The following PCDH9 variants were observed in gnomAD, a reference collection of about 807,000 sequenced individuals.
PCDH9 encodes protocadherin 9.
In PCDH9, 24 loss-of-function variants were observed where a neutral mutation model predicts 70.6. The ratio of observed to expected loss-of-function variants is 0.34; its 90% CI spans 0.25 to 0.48. The LOEUF (loss-of-function observed/expected upper bound fraction) is 0.48. PCDH9 is among the 20% of genes least tolerant of loss of function. The probability of loss-of-function intolerance (pLI) is 0.99; values close to 1 mark genes in which losing one functional copy is unlikely to be tolerated. For missense variants in PCDH9, 1,281 were observed against 1,503.6 expected (o/e 0.85, Z 2.45); for synonymous variants, 562 against 558.5 (o/e 1.01, Z -0.09).
intron 2 of PCDH9, among the ~76,000 whole-genome samples, chr13:67,004,917 T>C (rs957370719): frequency 6.6e-6 from 1 of 152,198 alleles, no homozygotes; most frequent in Admixed American, 6.5e-5. Context: ...AATCTTTAAA[T>C]TTTTCTCTAA....
chr13:66,887,055 ACACACACACAC>A, intron 3 of PCDH9, among the ~76,000 whole-genome samples: 1 of 151,298 alleles, frequency 6.6e-6, no homozygotes, highest in East Asian at 1.9e-4. Flanking sequence ...ACACACACAC[ACACACACACAC>A]ACACACACAC....
At chr13:67,159,175 G>A (rs755333757) in intron 2 of PCDH9, among the ~76,000 whole-genome samples, 1 of 152,160 alleles carries the variant, frequency 6.6e-6, no homozygotes, top group Non-Finnish European at 1.5e-5. Flanking sequence ...ATTTGAGTGG[G>A]AGGAACTCTA....
At chr13:66,774,166 G>C (rs899341684) in intron 3 of PCDH9, among the ~76,000 whole-genome samples, 2 of 152,136 alleles carry the variant, frequency 1.3e-5, no homozygotes, top group Non-Finnish European at 1.5e-5. Context: ...TCAACTTGCA[G>C]AATACAACCC....
At chr13:67,223,161 C>T (rs890568884) in intron 2 of PCDH9, 2 of 152,112 alleles carry the variant, frequency 1.3e-5, no homozygotes, top group Admixed American at 6.6e-5. Context: ...CTAAAACGCA[C>T]TTTAGTTCCA....
intron 3 of PCDH9, among the ~76,000 whole-genome samples, chr13:66,747,892 C>T (rs1378412672): frequency 6.6e-6 from 1 of 152,070 alleles, no homozygotes; most frequent in Non-Finnish European, 1.5e-5. Flanking sequence ...CACTGTCAGA[C>T]CTTGTTCGTT....
chr13:66,872,040 T>C (rs2081701432), intron 3 of PCDH9, among the ~76,000 whole-genome samples: 2 of 152,228 alleles, frequency 1.3e-5, no homozygotes, highest in South Asian at 4.1e-4. Context: ...ACATGTCGTC[T>C]ACTACTAGAC....
chr13:66,957,214 T>C (rs1022527725), intron 2 of PCDH9, among the ~76,000 whole-genome samples: 6 of 152,140 alleles, frequency 3.9e-5, no homozygotes, highest in African/African-American at 1.2e-4. Flanking sequence ...GAAACTAAAA[T>C]CCCAACATCT....
chr13:67,119,497 T>G (rs1339089006), intron 2 of PCDH9, among the ~76,000 whole-genome samples: 1 of 152,054 alleles, frequency 6.6e-6, no homozygotes, highest in Non-Finnish European at 1.5e-5. Context: ...ATAAGGTAAA[T>G]AAATGTAAAA....
chr13:66,625,061 T>C (rs1297052012), intron 4 of PCDH9, among the ~76,000 whole-genome samples: 2 of 152,218 alleles, frequency 1.3e-5, no homozygotes, highest in Non-Finnish European at 1.5e-5. Flanking sequence ...ATTATTTTGA[T>C]AGAGTAATAT....
chr13:67,119,711 G>T (rs1031307983), intron 2 of PCDH9, among the ~76,000 whole-genome samples: 6 of 152,142 alleles, frequency 3.9e-5, no homozygotes, highest in Non-Finnish European at 8.8e-5. Flanking sequence ...TCTACCCTGA[G>T]AAATGGAACT....
At chr13:66,771,830 G>A (rs761387474) in intron 3 of PCDH9, among the ~76,000 whole-genome samples, 3 of 152,106 alleles carry the variant, frequency 2.0e-5, no homozygotes, top group Non-Finnish European at 4.4e-5. Flanking sequence ...TATTAAATGA[G>A]AAAAAGTTGC....
chr13:66,769,438 G>A (rs2079769317), intron 3 of PCDH9, among the ~76,000 whole-genome samples: 2 of 151,488 alleles, frequency 1.3e-5, no homozygotes, highest in Non-Finnish European at 2.9e-5. Flanking sequence ...TAATATTTGG[G>A]AAAGCGATAT....
chr13:66,383,575 A>T (rs559038906), intron 4 of PCDH9, among the ~76,000 whole-genome samples: 2 of 152,330 alleles, frequency 1.3e-5, no homozygotes, highest in East Asian at 3.8e-4. Context: ...AATACATTGT[A>T]ATCATGGTTT....
intron 4 of PCDH9, among the ~76,000 whole-genome samples, chr13:66,355,404 T>C (rs1488141219): frequency 4.6e-5 from 7 of 152,228 alleles, no homozygotes; most frequent in Admixed American, 3.3e-4. Flanking sequence ...GTATTTATAC[T>C]GAAAAAAGTG....
At chr13:66,888,372 C>T (rs1463445473) in intron 3 of PCDH9, among the ~76,000 whole-genome samples, 1 of 151,802 alleles carries the variant, frequency 6.6e-6, no homozygotes, top group Non-Finnish European at 1.5e-5. Flanking sequence ...TGTGGTGGAA[C>T]AAACTTGCAG....
rs151070252 is a variant in PCDH9, at chr13:66,512,630, G to A, written c.3340+118580C>T. On this transcript the variant is annotated intron_variant, in intron 4 of 4. Transcript: ENST00000377865. ...TTTGTCAGTTTGCCTATATTATTTC[G>A]AGAAGTAAAACACACACACAGACAC... is the stretch of plus-strand genomic sequence containing the variant. 4.6e-3 allele frequency among the ~76,000 whole-genome samples: 701 copies of A among 151,960 alleles called. 3 individuals carry two copies. Among genetic ancestry groups the A allele is most frequent in the African/African-American group, 0.016 (662 of 41,480 alleles).
At chr13:66,535,193 G>T (rs1960646372) in intron 4 of PCDH9, among the ~76,000 whole-genome samples, 1 of 151,850 alleles carries the variant, frequency 6.6e-6, no homozygotes, top group Non-Finnish European at 1.5e-5. Flanking sequence ...TGAAACACTA[G>T]AAAATGGAAA....
At chr13:66,389,543 A>G (rs987062235) in intron 4 of PCDH9, among the ~76,000 whole-genome samples, 3 of 152,210 alleles carry the variant, frequency 2.0e-5, no homozygotes, top group African/African-American at 7.2e-5. Context: ...AATGGTATAT[A>G]AATAAACTTT....
chr13:67,043,525 T>C (rs774780583), intron 2 of PCDH9, among the ~76,000 whole-genome samples: 9 of 152,124 alleles, frequency 5.9e-5, no homozygotes, highest in African/African-American at 9.6e-5. Context: ...AAGTAGAACA[T>C]TGGAAATAAT....
Sources: gnomAD v4.1 joint callset for allele counts (sites outside exome capture counted in the v4.1 genomes callset) on GRCh38, gnomAD v4.1.1 for gene constraint, MANE v1.5 for transcripts, NCBI Gene and HGNC (gene_info 2026-07-23, HGNC 2026-07-21) for gene names.